The following GPR174 variants were observed in gnomAD, a reference collection of about 807,000 sequenced individuals.
GPR174 encodes the protein probable G protein-coupled receptor 174.
A neutral mutation model predicts 16.5 loss-of-function variants in GPR174; 8 were observed. The observed-to-expected ratio is 0.48, with a 90% CI of 0.28 to 0.87. GPR174 has a LOEUF of 0.87. Among genes scored for constraint, GPR174 ranks in the 40% least tolerant of loss-of-function variants. The pLI is 0.09. For missense variants in GPR174, 214 were observed against 247.5 expected (o/e 0.86, Z 0.91); for synonymous variants, 111 against 94.8 (o/e 1.17, Z -0.99).
intron 2 of GPR174, among the ~76,000 whole-genome samples, chrX:79,169,117 A>T (rs1921447840): frequency 8.9e-6 from 1 of 111,915 alleles, no homozygotes; most frequent in Non-Finnish European, 1.9e-5. Flanking sequence ...TAGCATGCTG[A>T]ATTCAGGCAA....
intron 2 of GPR174, among the ~76,000 whole-genome samples, chrX:79,162,354 G>A (rs1268333032): frequency 9.0e-6 from 1 of 110,735 alleles, no homozygotes; most frequent in African/African-American, 3.3e-5. Flanking sequence ...TAGGCTTGAG[G>A]GGAGAGGAGA....
chrX:79,169,344 G>A (rs2055764623), intron 2 of GPR174, among the ~76,000 whole-genome samples: 1 of 111,784 alleles, frequency 8.9e-6, no homozygotes, highest in Non-Finnish European at 1.9e-5. Context: ...ATTATTTACA[G>A]TTGTGCTTCA....
intron 1 of GPR174, 75 bp downstream of exon 1, chrX:79,145,292 C>T (rs760939327): frequency 8.1e-5 from 9 of 110,883 alleles, no homozygotes; most frequent in African/African-American, 2.6e-4. Context: ...CTGGACTCTT[C>T]ACACAAGGAA....
chrX:79,146,500 C>G (rs10521390), intron 1 of GPR174, among the ~76,000 whole-genome samples: 18,254 of 111,673 alleles, frequency 0.16, 1,302 homozygotes, highest in Middle Eastern at 0.33. Context: ...CAAGATTATA[C>G]CAGTCACACT....
intron 1 of GPR174, among the ~76,000 whole-genome samples, chrX:79,152,210 T>C (rs1926614219): frequency 8.9e-6 from 1 of 111,854 alleles, no homozygotes; most frequent in Admixed American, 9.5e-5. Context: ...GGCTTCCTAG[T>C]GCATTCTATA....
At chrX:79,145,423 G>C (rs1052295286) in intron 1 of GPR174, among the ~76,000 whole-genome samples, 1 of 111,163 alleles carries the variant, frequency 9.0e-6, no homozygotes, top group South Asian at 3.8e-4. Context: ...GCCGGAGGAG[G>C]GAGGCAACTT....
At chrX:79,158,344 C>A (rs1921148549) in intron 2 of GPR174, among the ~76,000 whole-genome samples, 1 of 108,341 alleles carries the variant, frequency 9.2e-6, no homozygotes, top group African/African-American at 3.4e-5. Context: ...AAATTAGGCA[C>A]CTGTCTGAAC....
Position 79,171,061 on chromosome X carries a change from A to T in GPR174, c.54A>T (p.Arg18=). 1 of 1,208,112 alleles carries T rather than the reference A, an allele frequency of 8.3e-7. No individual in the cohort carries two copies. Among genetic ancestry groups the T allele is most frequent in the Non-Finnish European group, 1.1e-6 (1 of 892,992 alleles). ...CAGATGGAGACAATACAGATTTTCG[A>T]TACTTTATTTATGCAGTGACATACA... ...TRPDGDNTDF[R]YFIYAVTYTV... The change falls in exon 3 of 3, where the codon CGA becomes CGT. Residue 18 remains arginine, a synonymous_variant. Coordinates refer to ENST00000645147, the MANE Select transcript of GPR174 (RefSeq NM_032553.3).
Position 79,173,404 on chromosome X carries a change from G to A in GPR174, c.*1395G>A, listed in dbSNP as rs1921564803. ...GTCGTAATTAAACCTTAGGTTGTAA[G>A]TATTAGAATATTTTGAAACATGTTT... On this transcript the variant is annotated 3_prime_UTR_variant, in exon 3 of 3. Coordinates refer to ENST00000645147, the MANE Select transcript of GPR174 (RefSeq NM_032553.3). 1 of 112,234 alleles carries A rather than the reference G, an allele frequency of 8.9e-6. No homozygotes were observed. The highest frequency in any genetic ancestry group is 1.9e-5 in the Non-Finnish European group (1 of 53,233). The allele number at this position is 112,234 out of a possible 1,213,427, so 9.2% of individuals were successfully genotyped here. A position where few individuals can be genotyped will look rare whatever the true frequency, so the allele number is the denominator to read the frequency against.
intron 1 of GPR174, among the ~76,000 whole-genome samples, chrX:79,151,463 G>A (rs1926600248): frequency 9.0e-6 from 1 of 111,216 alleles, no homozygotes; most frequent in Admixed American, 9.6e-5. Context: ...CACAATCTAT[G>A]CAATAAACAT....
chrX:79,148,939 A>G (rs925446285), intron 1 of GPR174, among the ~76,000 whole-genome samples: 3 of 112,271 alleles, frequency 2.7e-5, no homozygotes, highest in Admixed American at 9.4e-5. Context: ...TTACTTCTTT[A>G]AAACTAAAAG....
At chrX:79,160,452 T>C (rs1003616968) in intron 2 of GPR174, among the ~76,000 whole-genome samples, 2 of 111,954 alleles carry the variant, frequency 1.8e-5, no homozygotes, top group Non-Finnish European at 3.8e-5. Context: ...ATTATTTAAA[T>C]AAAATATCAC....
chrX:79,156,008 G>A (rs1268778948), intron 1 of GPR174, among the ~76,000 whole-genome samples: 2 of 111,909 alleles, frequency 1.8e-5, no homozygotes, highest in Non-Finnish European at 3.8e-5. Flanking sequence ...CAAGTAAAAT[G>A]TATTCTTTGT....
In GPR174 at chrX:79,173,363, C is replaced by T. The variant is rs1318896645; in HGVS notation, c.*1354C>T. The T allele has an allele frequency of 8.9e-6, 1 of 112,081 alleles. No individual in the cohort carries two copies. Among genetic ancestry groups the T allele is most frequent in the Non-Finnish European group, 1.9e-5 (1 of 53,230 alleles). The allele number at this position is 112,081 out of a possible 1,213,427, so 9.2% of individuals were successfully genotyped here. ...CTGTTTGGTACTATTGTGTGGGAAA[C>T]AGACCCAGGATATTAGTCGTAATTA... On this transcript the variant is annotated 3_prime_UTR_variant, in exon 3 of 3. Transcript: ENST00000645147.
At position 79,166,432 on chromosome X, in the gene GPR174, C is replaced by CTTTTT. The variant is rs1174620976; in HGVS notation, c.-556-3998_-556-3994dup. ...GGATCTTTTTTTTCTTTTCTTTTTT[C>CTTTTT]TTTTTTTTTTTTTTTTTTTTTTTTT... On this transcript the variant is annotated intron_variant, in intron 2 of 2. Transcript: ENST00000645147. 5.3e-4 allele frequency among the ~76,000 whole-genome samples: 23 copies of CTTTTT among 43,626 alleles called. 1 individual carries two copies. The highest frequency in any genetic ancestry group is 8.4e-4 in the Admixed American group (2 of 2,374). 37.9% of individuals were successfully genotyped at this position (43,626 alleles called of 115,157 possible). A position where few individuals can be genotyped will look rare whatever the true frequency, so the allele number is the denominator to read the frequency against.
Position 79,151,403 on chromosome X carries a change from T to C in GPR174, c.-653-5419T>C, listed in dbSNP as rs982007332. Among the ~76,000 whole-genome samples, 6 of 111,550 alleles carry C rather than the reference T, an allele frequency of 5.4e-5. No homozygotes were observed. In the East Asian group the frequency reaches 1.1e-3, roughly 21 times the overall value. On this transcript the variant is annotated intron_variant, in intron 1 of 2. Coordinates refer to ENST00000645147, the MANE Select transcript of GPR174 (RefSeq NM_032553.3). ...TACAAAAAGATGTGTATATTTAATATATATAACTTGGTGAGTTTGGAGATA... is the reference window on the plus strand; with the variant it reads ...TACAAAAAGATGTGTATATTTAATACATATAACTTGGTGAGTTTGGAGATA...
chrX:79,148,670 C>T (rs1297068479), intron 1 of GPR174, among the ~76,000 whole-genome samples: 2 of 110,981 alleles, frequency 1.8e-5, no homozygotes, highest in Non-Finnish European at 3.8e-5. Flanking sequence ...AGCCATGCAC[C>T]ACTATGCAAG....
intron 1 of GPR174, among the ~76,000 whole-genome samples, chrX:79,153,971 A>G (rs1210660810): frequency 8.9e-6 from 1 of 112,124 alleles, no homozygotes; most frequent in South Asian, 3.7e-4. Flanking sequence ...TTTAATCAAG[A>G]TTAATAAAGT....
chrX:79,171,724 C>A lies in GPR174; in HGVS notation c.717C>A (p.Phe239Leu). 3 of 1,211,184 alleles carry A rather than the reference C, an allele frequency of 2.5e-6. No individual in the cohort carries two copies. Among genetic ancestry groups the A allele is most frequent in the Non-Finnish European group, 3.4e-6 (3 of 895,303 alleles). ...LKMILTCAGV[F>L]LICFAPYHFS... ...TGATTCTAACCTGTGCAGGGGTATT[C>A]CTAATTTGCTTTGCACCTTATCATT... Residue 239 changes from phenylalanine to leucine, a missense_variant, in exon 3 of 3, where the codon TTC (phenylalanine) becomes TTA (leucine). Phe to Leu is a conservative substitution (Grantham distance 22). Coordinates refer to ENST00000645147, the MANE Select transcript of GPR174 (RefSeq NM_032553.3).
Sources: allele counts gnomAD v4.1 joint callset (sites outside exome capture counted in the v4.1 genomes callset), GRCh38; gene constraint gnomAD v4.1.1; transcripts MANE v1.5; gene names NCBI Gene and HGNC (gene_info 2026-07-23, HGNC 2026-07-21).